The following ATG7 variants were observed in gnomAD, a reference collection of about 807,000 sequenced individuals.
ATG7 encodes the protein ubiquitin-like modifier-activating enzyme ATG7.
In ATG7, 70 loss-of-function variants were observed where a neutral mutation model predicts 82.4. The ratio of observed to expected loss-of-function variants is 0.85; its 90% confidence interval spans 0.70 to 1.04. The LOEUF is 1.04. ATG7 is among the 50% of genes least tolerant of loss of function. ATG7 has a pLI of 0.00. For synonymous variants in ATG7, 287 were observed against 313.0 expected, an observed-to-expected ratio of 0.92 and a Z score of 0.88; for missense variants, 792 against 864.3, an observed-to-expected ratio of 0.92 and a Z score of 1.05.
chr3:11,397,912 A>G (rs1301407768), intron 19 of ATG7, among the ~76,000 whole-genome samples: 1 of 151,356 alleles, frequency 6.6e-6, no homozygotes, highest in Non-Finnish European at 1.5e-5. Flanking sequence ...GTGAAACCAC[A>G]TCTCTACTAA....
At chr3:11,441,655 CTT>C (rs11329292) in intron 20 of ATG7, among the ~76,000 whole-genome samples, 139 of 135,592 alleles carry the variant, frequency 1.0e-3, no homozygotes, top group Middle Eastern at 3.6e-3. Flanking sequence ...CCCCTTTCTC[CTT>C]TTTTTTTTTT....
intron 20 of ATG7, among the ~76,000 whole-genome samples, chr3:11,452,410 G>GAAAAAAAAAAAAAAAAAAA (rs2085286455): frequency 9.0e-6 from 1 of 110,718 alleles, no homozygotes. Flanking sequence ...AAAAAAAAAG[G>GAAAAAAAAAAAAAAAAAAA]AAATGTTCTG....
At position 11,555,333 on chromosome 3, in the gene ATG7, C is replaced by T. The variant is rs114843674; in HGVS notation, c.*490C>T. The T allele has an allele frequency of 0.014, 2,200 of 156,892 alleles. 55 individuals are homozygous for T. The highest frequency in any genetic ancestry group is 0.047 in the African/African-American group (1,950 of 41,718). The allele number at this position is 156,892 out of a possible 1,614,324, so 9.7% of individuals were successfully genotyped here. A position where few individuals can be genotyped will look rare whatever the true frequency, so the allele number is the denominator to read the frequency against. Reference sequence around the variant, plus strand: ...GTGGGACCCCGTGAGCGCACTGCACCCTGGCCCTGGTGGAGCGGGAGGAGG... The same window carrying T: ...GTGGGACCCCGTGAGCGCACTGCACTCTGGCCCTGGTGGAGCGGGAGGAGG... On this transcript the variant is annotated 3_prime_UTR_variant, in exon 21 of 21. Coordinates refer to ENST00000693202, the MANE Select transcript of ATG7 (RefSeq NM_001349232.2).
the ATG7 span, among the ~76,000 whole-genome samples, chr3:11,572,107 C>CA: frequency 1.3e-5 from 2 of 150,646 alleles, no homozygotes; most frequent in African/African-American, 4.9e-5. Context: ...GACCCTGTCT[C>CA]AAAAAAAAAG....
chr3:11,305,933 C>T (rs891242173), intron 5 of ATG7, among the ~76,000 whole-genome samples: 10 of 152,198 alleles, frequency 6.6e-5, no homozygotes, highest in Admixed American at 6.5e-4. Context: ...AGTGAAAAGG[C>T]ATTCTGTCTG....
intron 9 of ATG7, among the ~76,000 whole-genome samples, chr3:11,330,371 C>T (rs1260103511): frequency 2.0e-5 from 3 of 152,098 alleles, no homozygotes; most frequent in Non-Finnish European, 2.9e-5. Context: ...AGTGTGGACT[C>T]GTAGATACTT....
chr3:11,562,646 G>A (rs752885543), downstream of ATG7, among the ~76,000 whole-genome samples: 1 of 152,236 alleles, frequency 6.6e-6, no homozygotes, highest in Non-Finnish European at 1.5e-5. Context: ...CATGGCCTCA[G>A]CCCCGCCACG....
intron 11 of ATG7, among the ~76,000 whole-genome samples, chr3:11,340,190 A>T (rs2152772037): frequency 6.6e-6 from 1 of 152,270 alleles, no homozygotes; most frequent in Non-Finnish European, 1.5e-5. Flanking sequence ...GAAGGGACAT[A>T]CTTAATTTAA....
intron 15 of ATG7, among the ~76,000 whole-genome samples, chr3:11,359,472 G>C (rs373541838): frequency 2.0e-5 from 3 of 152,178 alleles, no homozygotes; most frequent in Non-Finnish European, 4.4e-5. Flanking sequence ...ACTTTGGGAG[G>C]ATTGCTTGAC....
intron 20 of ATG7, among the ~76,000 whole-genome samples, chr3:11,552,526 A>T (rs2071902262): frequency 6.6e-6 from 1 of 152,036 alleles, no homozygotes; most frequent in Non-Finnish European, 1.5e-5. Flanking sequence ...TATCCCCAGG[A>T]GTCCCTGTTC....
intron 20 of ATG7, among the ~76,000 whole-genome samples, chr3:11,511,874 T>C (rs750067128): frequency 8.5e-4 from 129 of 152,274 alleles, no homozygotes; most frequent in Middle Eastern, 3.4e-3. Flanking sequence ...CCAGCAGGGC[T>C]GGCTGGCTGC....
chr3:11,484,993 G>T (rs573754782), intron 20 of ATG7, among the ~76,000 whole-genome samples: 3 of 152,088 alleles, frequency 2.0e-5, no homozygotes, highest in Non-Finnish European at 4.4e-5. Context: ...GAATAGTGCC[G>T]CAATAAACAT....
intron 19 of ATG7, among the ~76,000 whole-genome samples, chr3:11,407,536 T>C (rs2152907517): frequency 6.6e-6 from 1 of 152,292 alleles, no homozygotes; most frequent in East Asian, 1.9e-4. Flanking sequence ...CACCCCACAT[T>C]TTCCTTCCAC....
At chr3:11,319,921 A>T (rs982622394) in intron 9 of ATG7, among the ~76,000 whole-genome samples, 1 of 152,174 alleles carries the variant, frequency 6.6e-6, no homozygotes, top group Non-Finnish European at 1.5e-5. Context: ...TTCCCATATC[A>T]TCCCCACAGT....
At chr3:11,558,858 ACACAGGTGGCTGCAGACAGACAGG>A, downstream of ATG7, 1 of 1,605,092 alleles carries the variant, frequency 6.2e-7, no homozygotes, top group South Asian at 1.1e-5. Context: ...AGGCAGTCAG[ACACAGGTGGCTGCAGACAGACAGG>A]CACGGTTGCA....
At chr3:11,455,467 T>C (rs552985648) in intron 20 of ATG7, among the ~76,000 whole-genome samples, 1 of 152,194 alleles carries the variant, frequency 6.6e-6, no homozygotes, top group Non-Finnish European at 1.5e-5. Flanking sequence ...TCCTTCAGAG[T>C]AGGGCATCTG....
At chr3:11,507,272 A>G (rs910255075) in intron 20 of ATG7, among the ~76,000 whole-genome samples, 1 of 152,188 alleles carries the variant, frequency 6.6e-6, no homozygotes, top group African/African-American at 2.4e-5. Context: ...ACAGAGTGAG[A>G]CTCCATCTCA....
intron 19 of ATG7, 48 bp downstream of exon 19, chr3:11,380,100 C>G (rs1230844445): frequency 6.4e-7 from 1 of 1,565,976 alleles, no homozygotes; most frequent in Admixed American, 1.7e-5. Flanking sequence ...GTGAGCGGGT[C>G]AGCATTTGAC....
rs150018760 is a variant in ATG7 at position 11,412,040 on chromosome 3, A to G, written c.1957-14764A>G. Among the ~76,000 whole-genome samples, 18 of 152,072 alleles carry G rather than the reference A, an allele frequency of 1.2e-4. No individual in the cohort carries two copies. The East Asian group carries it at 3.3e-3, about 28-fold the overall frequency. On this transcript the variant is annotated intron_variant, in intron 19 of 20. Transcript: ENST00000693202. ...GGTCCTGCTGCTGCTTGGTGCACAGAAAGCCAATCACTGAGACAAGTGTGG... is the reference window on the plus strand; with the variant it reads ...GGTCCTGCTGCTGCTTGGTGCACAGGAAGCCAATCACTGAGACAAGTGTGG...
Sources: gnomAD v4.1 joint callset for allele counts (sites outside exome capture counted in the v4.1 genomes callset) on GRCh38, gnomAD v4.1.1 for gene constraint, MANE v1.5 for transcripts, NCBI Gene and HGNC (gene_info 2026-07-23, HGNC 2026-07-21) for gene names.